IFT74: variants seen among roughly 807,000 people sequenced by gnomAD.
IFT74 encodes intraflagellar transport 74, also known as intraflagellar transport protein 74 homolog.
IFT74 carries 92 observed loss-of-function variants against 96.7 expected under a neutral mutation model. The observed-to-expected ratio is 0.95, with a 90% CI of 0.80 to 1.13. The LOEUF (loss-of-function observed/expected upper bound fraction) is 1.13. IFT74 is among the 50% of genes most tolerant of loss of function. IFT74 has a pLI of 0.00. For synonymous variants in IFT74, 223 were observed against 213.2 expected, an observed-to-expected ratio of 1.05 and a Z score of -0.40; for missense variants, 811 against 698.2, an observed-to-expected ratio of 1.16 and a Z score of -1.82.
intron 13 of IFT74, among the ~76,000 whole-genome samples, chr9:27,038,816 A>T (rs1819333616): frequency 6.6e-6 from 1 of 152,148 alleles, no homozygotes; most frequent in Admixed American, 6.5e-5. Context: ...TGCAAGTGTT[A>T]AAGGGTATGA....
At chr9:26,982,626 T>C (rs1373534538) in intron 4 of IFT74, among the ~76,000 whole-genome samples, 1 of 152,084 alleles carries the variant, frequency 6.6e-6, no homozygotes, top group Non-Finnish European at 1.5e-5. Flanking sequence ...CAGCTAATTT[T>C]GTATTTTTAG....
At chr9:27,047,456 C>T (rs1428141555) in intron 15 of IFT74, 85 bp downstream of exon 15, 3 of 726,122 alleles carry the variant, frequency 4.1e-6, no homozygotes, top group Non-Finnish European at 4.6e-6. Flanking sequence ...TAGAACGGCT[C>T]ACTATTGTAT....
chr9:26,952,179 T>C (rs1825954855), upstream of IFT74, among the ~76,000 whole-genome samples: 2 of 152,224 alleles, frequency 1.3e-5, no homozygotes, highest in Non-Finnish European at 2.9e-5. Context: ...CTTTGAAATA[T>C]TATCTAGATA....
intron 18 of IFT74, among the ~76,000 whole-genome samples, chr9:27,058,726 T>C (rs1289017406): frequency 1.3e-5 from 2 of 152,226 alleles, no homozygotes; most frequent in Non-Finnish European, 2.9e-5. Flanking sequence ...TTTCATTGTA[T>C]GGATGTACCA....
chr9:26,992,255 G>C (rs1827919813), intron 8 of IFT74, among the ~76,000 whole-genome samples: 1 of 151,830 alleles, frequency 6.6e-6, no homozygotes, highest in African/African-American at 2.4e-5. Flanking sequence ...ACATCTATTT[G>C]GTTTTTTTTA....
chr9:26,961,551 TAAG>T (rs1216660073), intron 1 of IFT74, among the ~76,000 whole-genome samples: 1 of 152,084 alleles, frequency 6.6e-6, no homozygotes, highest in East Asian at 1.9e-4. Flanking sequence ...CTGTTAAAGT[TAAG>T]AAAATAGAAA....
chr9:27,014,183 C>G (rs58931444), intron 10 of IFT74, among the ~76,000 whole-genome samples: 19 of 152,066 alleles, frequency 1.2e-4, no homozygotes, highest in African/African-American at 4.3e-4. Context: ...CCACTGCACT[C>G]CAGCCTGGGC....
At position 27,060,768 on chromosome 9, in the gene IFT74, C is replaced by A. The variant is rs905798242; in HGVS notation, c.1684+117C>A. 5.2e-6 allele frequency: 3 copies of A among 577,528 alleles called. No homozygotes were observed. The African/African-American group carries it at 5.8e-5, about 11-fold the overall frequency. 35.8% of individuals were successfully genotyped at this position (577,528 alleles called of 1,614,324 possible). ...GGTCAGGAGATTGAGACCACCCTGG[C>A]TAACACGGTGAAACCCCATCTCTAC... is the stretch of plus-strand genomic sequence containing the variant. On this transcript the variant is annotated intron_variant, in intron 19 of 19. Transcript: ENST00000380062.
Position 27,062,740 on chromosome 9 carries a change from T to A in IFT74, c.*4T>A. ...ACATAGCACCAGCGGAAACTGAGTT[T>A]AAGTCCACTGAAAGTCTCTAAGGAA... On this transcript the variant is annotated 3_prime_UTR_variant, in exon 20 of 20. Coordinates refer to ENST00000380062, the MANE Select transcript of IFT74 (RefSeq NM_025103.4). The A allele has an allele frequency of 1.4e-6, 2 of 1,461,642 alleles. No individual in the cohort carries two copies. The highest frequency in any genetic ancestry group is 9.5e-7 in the Non-Finnish European group (1 of 1,048,872). 90.5% of individuals were successfully genotyped at this position (1,461,642 alleles called of 1,614,324 possible).
chr9:26,965,163 A>T (rs1826551738), intron 2 of IFT74, among the ~76,000 whole-genome samples: 1 of 152,218 alleles, frequency 6.6e-6, no homozygotes, highest in Admixed American at 6.5e-5. Flanking sequence ...TTTAAAAGTG[A>T]TATCAATTTA....
chr9:27,020,536 C>G (rs1829551547), intron 12 of IFT74, among the ~76,000 whole-genome samples: 1 of 149,750 alleles, frequency 6.7e-6, no homozygotes, highest in African/African-American at 2.5e-5. Flanking sequence ...GTGCAGCAGC[C>G]CAATCTCGGC....
At chr9:26,949,695 C>T (rs1038533706) in intron 1 of IFT74, among the ~76,000 whole-genome samples, 2 of 152,072 alleles carry the variant, frequency 1.3e-5, no homozygotes, top group Admixed American at 6.5e-5. Context: ...CTCAAATCCA[C>T]CTCCAAGAAT....
chr9:27,009,229 C>T, intron 9 of IFT74, 71 bp downstream of exon 9: 4 of 1,352,464 alleles, frequency 3.0e-6, no homozygotes, highest in Non-Finnish European at 4.1e-6. Flanking sequence ...TGAATATCAG[C>T]AGCATCAGCA....
At chr9:26,961,812 A>G (rs1256172609) in intron 1 of IFT74, 137 bp from the exon 2 acceptor site, 1 of 746,974 alleles carries the variant, frequency 1.3e-6, no homozygotes, top group Non-Finnish European at 2.1e-6. Context: ...ATTTGAACAA[A>G]ATTAGCCTTG....
At chr9:26,965,225 A>T (rs1297061273) in intron 2 of IFT74, among the ~76,000 whole-genome samples, 1 of 152,194 alleles carries the variant, frequency 6.6e-6, no homozygotes, top group African/African-American at 2.4e-5. Context: ...GAAATAAATG[A>T]ATAGACAAAA....
intron 8 of IFT74, among the ~76,000 whole-genome samples, chr9:27,008,800 A>G (rs1306081333): frequency 6.6e-6 from 1 of 152,140 alleles, no homozygotes; most frequent in Non-Finnish European, 1.5e-5. Flanking sequence ...GAATTTAGGG[A>G]TGGAGAAGAG....
At chr9:26,971,834 G>T (rs528538026) in intron 2 of IFT74, among the ~76,000 whole-genome samples, 2 of 152,104 alleles carry the variant, frequency 1.3e-5, no homozygotes, top group Non-Finnish European at 2.9e-5. Flanking sequence ...CCACTCCAAA[G>T]GTGTACTTAG....
intron 12 of IFT74, among the ~76,000 whole-genome samples, chr9:27,026,145 T>A (rs1192257392): frequency 6.6e-6 from 1 of 152,210 alleles, no homozygotes; most frequent in African/African-American, 2.4e-5. Context: ...TGGAAAAAGT[T>A]ATTCCATGCA....
At chr9:26,973,014 G>A (rs576434951) in intron 2 of IFT74, among the ~76,000 whole-genome samples, 21 of 152,166 alleles carry the variant, frequency 1.4e-4, no homozygotes, top group Non-Finnish European at 2.4e-4. Flanking sequence ...GACCAAAGAC[G>A]TTAGGGGAGT....
Sources: allele counts gnomAD v4.1 joint callset (sites outside exome capture counted in the v4.1 genomes callset), GRCh38; gene constraint gnomAD v4.1.1; transcripts MANE v1.5; gene names NCBI Gene and HGNC (gene_info 2026-07-23, HGNC 2026-07-21).